XG: variants seen among roughly 807,000 people sequenced by gnomAD.
The protein encoded by XG is glycoprotein Xg.
A neutral mutation model predicts 25.7 loss-of-function variants in XG; 24 were observed. The ratio of observed to expected loss-of-function variants is 0.93; its 90% CI spans 0.68 to 1.31. The LOEUF is 1.31. Ranked by LOEUF, XG falls within the 40% of genes most tolerant of loss-of-function variation. The probability of loss-of-function intolerance (pLI) is 0.00; values close to 1 mark genes in which losing one functional copy is unlikely to be tolerated. For missense variants in XG, 181 were observed against 187.6 expected, an observed-to-expected ratio of 0.96 and a Z score of 0.21; for synonymous variants, 77 against 69.2, an observed-to-expected ratio of 1.11 and a Z score of -0.56.
intron 3 of XG, among the ~76,000 whole-genome samples, chrX:2,779,530 T>C (rs1214462530): frequency 6.6e-6 from 1 of 152,122 alleles, no homozygotes; most frequent in African/African-American, 2.4e-5. Context: ...TCAGAATTCA[T>C]GGGGGATTAG....
intron 7 of XG, among the ~76,000 whole-genome samples, chrX:2,803,288 G>C (rs1197911165): frequency 9.0e-6 from 1 of 110,823 alleles, no homozygotes; most frequent in East Asian, 2.8e-4. Flanking sequence ...AGGAGCTGGG[G>C]CTACAGGCAC....
In XG at chrX:2,815,800, T is replaced by TACACACACACACACACACACACACACAC; in HGVS notation, c.*1442_*1443insACACACACACACACACACACACACACAC. The TACACACACACACACACACACACACACAC allele has an allele frequency of 1.8e-5, 1 of 57,067 alleles. No individual in the cohort carries two copies. Among genetic ancestry groups the TACACACACACACACACACACACACACAC allele is most frequent in the African/African-American group, 4.4e-5 (1 of 22,765 alleles). The allele number at this position is 57,067 out of a possible 1,213,427, so 4.7% of individuals were successfully genotyped here. ...TTGTGAAAAAACCTGTGTTTTTAGT[T>TACACACACACACACACACACACACACAC]ACACACACACACACACACACACCTA... On this transcript the variant is annotated 3_prime_UTR_variant, in exon 11 of 11. Transcript: ENST00000644266.
At chrX:2,763,289 C>T (rs996566473) in intron 1 of XG, among the ~76,000 whole-genome samples, 12 of 152,212 alleles carry the variant, frequency 7.9e-5, no homozygotes, top group South Asian at 2.1e-4. Flanking sequence ...GCTGGGATTG[C>T]GGGTGTGAGC....
chrX:2,805,532 T>C (rs1177827646), intron 7 of XG, among the ~76,000 whole-genome samples: 2 of 107,523 alleles, frequency 1.9e-5, no homozygotes, highest in South Asian at 4.2e-4. Flanking sequence ...CTTAGTCCAT[T>C]TCAGGCTGCT....
At chrX:2,766,674 C>T (rs1362713528) in intron 1 of XG, among the ~76,000 whole-genome samples, 2 of 150,716 alleles carry the variant, frequency 1.3e-5, no homozygotes, top group African/African-American at 2.4e-5. Flanking sequence ...ACGCCATTCT[C>T]CTGCCTCAGC....
chrX:2,780,408 G>C (rs1247212249), intron 3 of XG, among the ~76,000 whole-genome samples: 1 of 106,362 alleles, frequency 9.4e-6, no homozygotes, highest in African/African-American at 3.6e-5. Flanking sequence ...AAACAATTGG[G>C]CTTTTTTTTT....
At chrX:2,777,231 A>G (rs955597177) in intron 3 of XG, among the ~76,000 whole-genome samples, 1 of 152,238 alleles carries the variant, frequency 6.6e-6, no homozygotes, top group African/African-American at 2.4e-5. Flanking sequence ...GTGAAACTTA[A>G]CTTCTGAAGA....
chrX:2,754,355 C>T (rs1342493958), intron 1 of XG, among the ~76,000 whole-genome samples: 1 of 152,150 alleles, frequency 6.6e-6, no homozygotes, highest in Non-Finnish European at 1.5e-5. Context: ...CTGCCTTGGC[C>T]TCCCCAAATC....
chrX:2,772,491 A>G (rs1477812602), intron 2 of XG, among the ~76,000 whole-genome samples: 1 of 152,166 alleles, frequency 6.6e-6, no homozygotes, highest in South Asian at 2.1e-4. Flanking sequence ...CATTAATATG[A>G]AATGTCCAGA....
At chrX:2,769,296 T>C (rs1397189206) in intron 1 of XG, among the ~76,000 whole-genome samples, 4 of 152,204 alleles carry the variant, frequency 2.6e-5, no homozygotes, top group Admixed American at 2.6e-4. Flanking sequence ...AGGGCTCACC[T>C]GGTTCCCCCA....
At chrX:2,773,381 C>G (rs183722097) in intron 2 of XG, among the ~76,000 whole-genome samples, 1 of 111,120 alleles carries the variant, frequency 9.0e-6, no homozygotes, top group Admixed American at 1.2e-4. Flanking sequence ...AAGGGAAGGA[C>G]GGAGGGAAGG....
intron 7 of XG, among the ~76,000 whole-genome samples, chrX:2,804,638 C>G (rs2086976915): frequency 8.9e-6 from 1 of 111,871 alleles, no homozygotes; most frequent in African/African-American, 3.2e-5. Flanking sequence ...GGGACACGTT[C>G]TTTTGTTCTC....
intron 1 of XG, among the ~76,000 whole-genome samples, chrX:2,764,701 AAATG>A (rs2050636074): frequency 6.6e-6 from 1 of 152,048 alleles, no homozygotes; most frequent in South Asian, 2.1e-4. Flanking sequence ...AAGTTGATTT[AAATG>A]AACCCACACT....
chrX:2,776,474 G>T (rs2050994198), intron 3 of XG, among the ~76,000 whole-genome samples: 1 of 152,024 alleles, frequency 6.6e-6, no homozygotes, highest in Admixed American at 6.6e-5. Context: ...TGCATTCTTG[G>T]ATGTGCTGGG....
chrX:2,752,541 A>C (rs996474512), intron 1 of XG, among the ~76,000 whole-genome samples: 1 of 152,188 alleles, frequency 6.6e-6, no homozygotes, highest in Non-Finnish European at 1.5e-5. Context: ...AATTAGATCC[A>C]GAAGGGCAGG....
rs781478375 is a variant in XG at position 2,780,455 on chromosome X, C to T, written c.128-1611C>T. 8.7e-5 allele frequency among the ~76,000 whole-genome samples: 12 copies of T among 138,356 alleles called. No homozygotes were observed. In the South Asian group the frequency reaches 1.6e-3, roughly 18 times the overall value. 90.8% of individuals were successfully genotyped at this position (138,356 alleles called of 152,430 possible). ...AAAAAAAAAAGTCAATTAGGCCAGG[C>T]GAGGTGGCTCACACCTGTCATCCCG... On this transcript the variant is annotated intron_variant, in intron 3 of 10. Transcript: ENST00000644266.
rs748060776 is a variant in XG at position 2,752,281 on chromosome X, A to T, written c.7A>T (p.Ser3Cys). 4.3e-6 allele frequency: 7 copies of T among 1,613,650 alleles called. No homozygotes were observed. Among genetic ancestry groups the T allele is most frequent in the African/African-American group, 4.0e-5 (3 of 74,906 alleles). ME[S>C]WWGLPCLAFL... ...TTGCATCCTGAAGCAAACCATGGAG[A>T]GCTGGTGGGGACTTCCCTGTCTTGC... The change falls in exon 1 of 11, where the codon AGC (serine) becomes TGC (cysteine). Residue 3 changes from serine (S) to cysteine (C), a missense_variant. Coordinates refer to ENST00000644266, the MANE Select transcript of XG (RefSeq NM_001141919.2).
At chrX:2,806,338 T>A (rs1226540667) in intron 7 of XG, among the ~76,000 whole-genome samples, 10 of 111,783 alleles carry the variant, frequency 8.9e-5, no homozygotes, top group Non-Finnish European at 1.9e-4. Context: ...CTGGAGGAAC[T>A]CTTTTTTTTT....
At chrX:2,758,043 G>A (rs1031038880) in intron 1 of XG, among the ~76,000 whole-genome samples, 15 of 147,172 alleles carry the variant, frequency 1.0e-4, no homozygotes, top group African/African-American at 3.3e-4. Context: ...GCCATACCAC[G>A]CCAGCGTACA....
Sources: allele counts gnomAD v4.1 joint callset (sites outside exome capture counted in the v4.1 genomes callset), GRCh38; gene constraint gnomAD v4.1.1; transcripts MANE v1.5; gene names NCBI Gene and HGNC (gene_info 2026-07-23, HGNC 2026-07-21).